Variants in SLC5A1 observed in about 807,000 individuals in gnomAD.
SLC5A1 encodes the protein sodium/glucose cotransporter 1.
A neutral mutation model predicts 73.5 loss-of-function variants in SLC5A1; 42 were observed. The observed-to-expected ratio is 0.57, with a 90% CI of 0.45 to 0.74. The LOEUF (loss-of-function observed/expected upper bound fraction) is 0.74. Among genes scored for constraint, SLC5A1 ranks in the 30% least tolerant of loss-of-function variants. SLC5A1 has a pLI of 0.00. For missense variants in SLC5A1, 634 were observed against 855.4 expected, an observed-to-expected ratio of 0.74 and a Z score of 3.23; for synonymous variants, 300 against 317.4, an observed-to-expected ratio of 0.95 and a Z score of 0.58.
At chr22:32,060,148 C>CAT (rs1569302276) in intron 2 of SLC5A1, among the ~76,000 whole-genome samples, 2,492 of 32,532 alleles carry the variant, frequency 0.077, 86 homozygotes, top group African/African-American at 0.12. Flanking sequence ...TACACATACA[C>CAT]ACACACACAC....
chr22:32,100,009 A>T (rs975811509), intron 12 of SLC5A1, among the ~76,000 whole-genome samples: 1 of 152,238 alleles, frequency 6.6e-6, no homozygotes, highest in Admixed American at 6.5e-5. Flanking sequence ...CTGTCAGGGA[A>T]GGCTCCTTGG....
intron 2 of SLC5A1, among the ~76,000 whole-genome samples, chr22:32,057,867 A>G (rs561968095): frequency 2.0e-5 from 3 of 152,240 alleles, no homozygotes; most frequent in East Asian, 1.9e-4. Flanking sequence ...CATCCCCCCA[A>G]AAAACACATA....
rs527978496 is a variant in SLC5A1, at chr22:32,067,598, C to T, written c.313-369C>T. Reference sequence around the variant, plus strand: ...TATTGCCCAGGCTTGTCTTGAACTCCTGGCCTCTAATAATAATAGTAGTCG... The same window carrying T: ...TATTGCCCAGGCTTGTCTTGAACTCTTGGCCTCTAATAATAATAGTAGTCG... On this transcript the variant is annotated intron_variant, in intron 3 of 14. Coordinates refer to ENST00000266088, the MANE Select transcript of SLC5A1 (RefSeq NM_000343.4). Among the ~76,000 whole-genome samples, 3 of 152,100 alleles carry T rather than the reference C, an allele frequency of 2.0e-5. No individual in the cohort carries two copies. The East Asian group carries it at 5.8e-4, about 29-fold the overall frequency.
At chr22:32,075,400 A>C (rs1322095045) in intron 5 of SLC5A1, among the ~76,000 whole-genome samples, 1 of 151,980 alleles carries the variant, frequency 6.6e-6, no homozygotes, top group Non-Finnish European at 1.5e-5. Context: ...GAATGAGGGG[A>C]TGGGATAGAT....
At chr22:32,062,066 T>A (rs532609263) in intron 2 of SLC5A1, among the ~76,000 whole-genome samples, 1 of 152,216 alleles carries the variant, frequency 6.6e-6, no homozygotes, top group Admixed American at 6.5e-5. Context: ...TCTGTTGCAC[T>A]ATAAAGGGTG....
In SLC5A1 at chr22:32,104,818, C is replaced by T; in HGVS notation, c.1698C>T (p.Ser566=). Residue 566 remains serine, a synonymous_variant, in exon 14 of 15, where the codon AGC becomes AGT. Transcript: ENST00000266088. The part of the protein sequence containing the change: ...LYRLCWSLRN[S]KEERIDLDAE... The stretch of plus-strand genomic sequence containing the variant: ...GTCTGTGTTGGAGCCTGCGCAACAG[C>T]AAAGAGGAGCGTATTGACCTGGATG... 6.2e-7 allele frequency: 1 copy of T among 1,614,070 alleles called. No homozygotes were observed. Among genetic ancestry groups the T allele is most frequent in the South Asian group, 1.1e-5 (1 of 91,086 alleles).
Position 32,046,543 on chromosome 22 carries a change from C to T in SLC5A1, c.135+3127C>T, listed in dbSNP as rs114921262. On this transcript the variant is annotated intron_variant, in intron 1 of 14. Transcript: ENST00000266088. ...TATTCCTTTTGGCTCTGGGCTCAGA[C>T]GCGATGTCCTGGAACTTCTCTCATT... 8.4e-3 allele frequency among the ~76,000 whole-genome samples: 1,281 copies of T among 152,242 alleles called. 16 individuals are homozygous for T. The highest frequency in any genetic ancestry group is 0.027 in the African/African-American group (1,115 of 41,546).
chr22:32,091,292 TACACAAACACACACAC>T (rs1441291321), intron 10 of SLC5A1, among the ~76,000 whole-genome samples: 3 of 82,870 alleles, frequency 3.6e-5, no homozygotes, highest in African/African-American at 1.5e-4. Context: ...GAAACACACA[TACACAAACACACACAC>T]ACACACACAC....
intron 5 of SLC5A1, among the ~76,000 whole-genome samples, chr22:32,079,732 G>C (rs2093996616): frequency 1.3e-5 from 2 of 152,124 alleles, no homozygotes; most frequent in South Asian, 2.1e-4. Context: ...TCAGTGAATG[G>C]GGCCCCTTGA....
intron 1 of SLC5A1, among the ~76,000 whole-genome samples, chr22:32,045,234 A>G (rs2093935645): frequency 6.6e-6 from 1 of 152,198 alleles, no homozygotes; most frequent in South Asian, 2.1e-4. Context: ...ATCTCTGATA[A>G]TATCGGTTCT....
intron 2 of SLC5A1, among the ~76,000 whole-genome samples, chr22:32,058,123 C>G (rs2093954644): frequency 2.0e-5 from 3 of 152,128 alleles, no homozygotes; most frequent in African/African-American, 7.2e-5. Flanking sequence ...CACACACACA[C>G]CTATGCATAT....
chr22:32,050,126 A>G (rs977328745), intron 2 of SLC5A1, 112 bp downstream of exon 2: 7 of 959,300 alleles, frequency 7.3e-6, no homozygotes, highest in Non-Finnish European at 1.0e-5. Context: ...AAGGATCCCA[A>G]CCAGATTCTT....
intron 1 of SLC5A1, among the ~76,000 whole-genome samples, chr22:32,044,529 T>C (rs1238029829): frequency 1.3e-5 from 2 of 151,886 alleles, no homozygotes; most frequent in Non-Finnish European, 2.9e-5. Flanking sequence ...TTTTTTTTTT[T>C]TCCAAAGGAA....
intron 5 of SLC5A1, among the ~76,000 whole-genome samples, chr22:32,074,895 T>C (rs888280360): frequency 6.6e-6 from 1 of 151,878 alleles, no homozygotes; most frequent in Non-Finnish European, 1.5e-5. Context: ...GGATTTCTAT[T>C]ATTTATTTGT....
chr22:32,066,672 A>G (rs1253937375), intron 2 of SLC5A1, among the ~76,000 whole-genome samples: 1 of 152,188 alleles, frequency 6.6e-6, no homozygotes, highest in Non-Finnish European at 1.5e-5. Flanking sequence ...CGGGGCCCAC[A>G]AAAGACTCAC....
At chr22:32,053,240 CTCTT>C (rs2093947374) in intron 2 of SLC5A1, among the ~76,000 whole-genome samples, 1 of 152,070 alleles carries the variant, frequency 6.6e-6, no homozygotes, top group African/African-American at 2.4e-5. Flanking sequence ...GTCTGCTTTG[CTCTT>C]TCTTCTTCCT....
chr22:32,095,015 A>G (rs1455636157), intron 11 of SLC5A1, among the ~76,000 whole-genome samples: 3 of 152,132 alleles, frequency 2.0e-5, no homozygotes, highest in Non-Finnish European at 4.4e-5. Flanking sequence ...CCTTTGCTGT[A>G]TCCCAGAGGT....
At chr22:32,086,652 G>A (rs760120442) in intron 10 of SLC5A1, among the ~76,000 whole-genome samples, 10 of 152,216 alleles carry the variant, frequency 6.6e-5, no homozygotes, top group Non-Finnish European at 1.5e-4. Context: ...AACAGTGGAT[G>A]TAAATTAGCA....
rs1253385240 is a variant in SLC5A1, at chr22:32,079,371, T to C, written c.478-2495T>C. On this transcript the variant is annotated intron_variant, in intron 5 of 14. Coordinates refer to ENST00000266088, the MANE Select transcript of SLC5A1 (RefSeq NM_000343.4). ...AGGTTTCTTCAATTCACCAGGGAGG[T>C]TTCCTTAGAATCCTTTATCTGTACT... is the stretch of plus-strand genomic sequence containing the variant. 2.0e-5 allele frequency among the ~76,000 whole-genome samples: 3 copies of C among 151,932 alleles called. No individual in the cohort carries two copies. The East Asian group carries it at 5.8e-4, about 29-fold the overall frequency.
Sources: gnomAD v4.1 joint callset for allele counts (sites outside exome capture counted in the v4.1 genomes callset) on GRCh38, gnomAD v4.1.1 for gene constraint, MANE v1.5 for transcripts, NCBI Gene and HGNC (gene_info 2026-07-23, HGNC 2026-07-21) for gene names.